The following PPL variants were observed in gnomAD, a reference collection of about 807,000 sequenced individuals.
PPL encodes the protein 190 kDa paraneoplastic pemphigus antigen.
A neutral mutation model predicts 194.4 loss-of-function variants in PPL; 198 were observed. The ratio of observed to expected loss-of-function variants is 1.02; its 90% CI spans 0.91 to 1.15. The LOEUF is 1.15. Ranked by LOEUF, PPL falls within the 50% of genes most tolerant of loss-of-function variation. The pLI is 0.00. For synonymous variants in PPL, 1,220 were observed against 972.4 expected (o/e 1.25, Z -4.74); for missense variants, 2,885 against 2,294.8 (o/e 1.26, Z -5.25).
rs1323774748 is a variant in PPL, at chr16:4,902,585, G to A, written c.318-59C>T. On this transcript the variant is annotated intron_variant, in intron 3 of 21. Transcript: ENST00000345988. The surrounding 1 kb of genome is among the most constrained non-coding windows in gnomAD (Gnocchi z 4.0). ...GGTTGGCACTGCCTGCACCCCAGGAGGGGCCCCCCACCCAGACCCCGGCCT... is the reference window on the plus strand; with the variant it reads ...GGTTGGCACTGCCTGCACCCCAGGAAGGGCCCCCCACCCAGACCCCGGCCT... The A allele has an allele frequency of 6.3e-7, 1 of 1,581,872 alleles. No individual in the cohort carries two copies. The highest frequency in any genetic ancestry group is 2.3e-5 in the East Asian group (1 of 43,896).
At chr16:4,895,444 A>C in intron 10 of PPL, 37 bp from the exon 11 acceptor site, 1 of 1,608,368 alleles carries the variant, frequency 6.2e-7, no homozygotes, top group Non-Finnish European at 8.5e-7. Flanking sequence ...GGTGAGACCA[A>C]CAGCCTTCCC....
At chr16:4,919,943 CA>C (rs959744851) in intron 1 of PPL, among the ~76,000 whole-genome samples, 1 of 151,432 alleles carries the variant, frequency 6.6e-6, no homozygotes, top group Non-Finnish European at 1.5e-5. Context: ...AAATTAAAAC[CA>C]AAAAAAGTGT....
intron 1 of PPL, among the ~76,000 whole-genome samples, chr16:4,916,927 C>T (rs1388100590): frequency 2.6e-5 from 4 of 151,952 alleles, no homozygotes; most frequent in African/African-American, 4.8e-5. Context: ...GTCAGGAGTT[C>T]GAGACCAGCC....
At position 4,885,120 on chromosome 16, in the gene PPL, G is replaced by T; in HGVS notation, c.3535C>A (p.Arg1179=). Reference sequence around the variant, plus strand: ...TCACTTTCCGCCTTGGGGTCTGGCCGCACGATCTCCCGCACCTTCTCCTGC... The same window carrying T: ...TCACTTTCCGCCTTGGGGTCTGGCCTCACGATCTCCCGCACCTTCTCCTGC... The part of the protein sequence containing the change: ...VVQEKVREIV[R]PDPKAESEVA... The change falls in exon 22 of 22, where the codon CGG becomes AGG. Residue 1179 remains arginine, a synonymous_variant. Transcript: ENST00000345988. The surrounding 1 kb of genome is among the most constrained non-coding windows in gnomAD (Gnocchi z 6.3). The T allele has an allele frequency of 2.5e-6, 4 of 1,613,882 alleles. No homozygotes were observed. Among genetic ancestry groups the T allele is most frequent in the Non-Finnish European group, 3.4e-6 (4 of 1,180,006 alleles).
chr16:4,934,906 A>T (rs2089276264), intron 1 of PPL, among the ~76,000 whole-genome samples: 2 of 152,110 alleles, frequency 1.3e-5, no homozygotes, highest in African/African-American at 4.8e-5. Flanking sequence ...CTGGGCTTGG[A>T]GACCACCCGG....
rs369014710 is a variant in PPL at position 4,885,918 on chromosome 16, C to T, written c.2737G>A (p.Val913Ile). The part of the protein sequence containing the change: ...TERRRQLENE[V>I]KSTQEEIWTL... ...CAGATTTCTTCCTGGGTGCTCTTGA[C>T]CTCGTTCTCCAGCTGCCGCCTCCGC... The change falls in exon 22 of 22, where the codon GTC (valine) becomes ATC (isoleucine). Residue 913 changes from valine (V) to isoleucine (I), a missense_variant. By Grantham distance (29) the Val-to-Ile change is conservative (BLOSUM62 3). Coordinates refer to ENST00000345988, the MANE Select transcript of PPL (RefSeq NM_002705.5). The surrounding 1 kb of genome is among the most constrained non-coding windows in gnomAD (Gnocchi z 6.3). 1.5e-5 allele frequency: 24 copies of T among 1,612,074 alleles called. No homozygotes were observed. Among genetic ancestry groups the T allele is most frequent in the Middle Eastern group, 3.3e-4 (2 of 6,084 alleles).
chr16:4,899,060 C>T lies in PPL; in HGVS notation c.829G>A (p.Gly277Ser). Residue 277 changes from glycine to serine, a missense_variant, in exon 8 of 22, where the codon GGC (glycine) becomes AGC (serine). Transcript: ENST00000345988. ...TGCTCGGCCGCCAGCAGCTGGTCGC[C>T]CTCGCTGTGCAGTTTGTTGATTCTC... Reference protein sequence around the residue: ...EERINKLHSEGDQLLAAEHPG... With the variant: ...EERINKLHSESDQLLAAEHPG... 2 of 1,613,232 alleles carry T rather than the reference C, an allele frequency of 1.2e-6. No individual in the cohort carries two copies. Among genetic ancestry groups the T allele is most frequent in the South Asian group, 2.2e-5 (2 of 91,064 alleles).
chr16:4,918,368 C>G (rs540637464), intron 1 of PPL, among the ~76,000 whole-genome samples: 1 of 151,944 alleles, frequency 6.6e-6, no homozygotes, highest in Admixed American at 6.6e-5. Flanking sequence ...GGTCCTGCCT[C>G]TTGTCTCATT....
chr16:4,901,139 G>A (rs752740616), intron 4 of PPL, 50 bp from the exon 5 acceptor site: 1 of 1,600,424 alleles, frequency 6.2e-7, no homozygotes, highest in African/African-American at 1.3e-5. Context: ...CTGAGGGCTG[G>A]GGACGTGTGG....
intron 1 of PPL, among the ~76,000 whole-genome samples, chr16:4,931,397 G>C (rs2089223409): frequency 6.6e-6 from 1 of 152,100 alleles, no homozygotes; most frequent in South Asian, 2.1e-4. Context: ...AAAAAAAATA[G>C]GTTGGGGTAG....
chr16:4,903,530 G>A (rs1229173900), intron 3 of PPL, among the ~76,000 whole-genome samples: 1 of 152,042 alleles, frequency 6.6e-6, no homozygotes, highest in Non-Finnish European at 1.5e-5. Flanking sequence ...GACCAGCCTG[G>A]CCAACATGGA....
At chr16:4,904,178 A>T (rs2088635794) in intron 2 of PPL, 138 bp from the exon 3 acceptor site, 1 of 907,730 alleles carries the variant, frequency 1.1e-6, no homozygotes, top group Non-Finnish European at 1.7e-6. Flanking sequence ...GCTTGTCCAT[A>T]TGGAGCGCAG....
chr16:4,921,412 T>C (rs1188717813), intron 1 of PPL, among the ~76,000 whole-genome samples: 1 of 152,180 alleles, frequency 6.6e-6, no homozygotes, highest in Non-Finnish European at 1.5e-5. Context: ...TCAGATGGCA[T>C]CAGGTCTCCT....
chr16:4,899,775 C>T (rs991673203), intron 6 of PPL, among the ~76,000 whole-genome samples: 1 of 152,170 alleles, frequency 6.6e-6, no homozygotes. Context: ...CAGAGACTGG[C>T]ATATAGTTGG....
rs753021391 is a variant in PPL at position 4,910,891 on chromosome 16, C to A, written c.121G>T (p.Val41Leu). 1 of 1,613,828 alleles carries A rather than the reference C, an allele frequency of 6.2e-7. No individual in the cohort carries two copies. The highest frequency in any genetic ancestry group is 1.3e-5 in the African/African-American group (1 of 74,934). The change falls in exon 2 of 22, where the codon GTG (valine) becomes TTG (leucine). Residue 41 changes from valine to leucine, a missense_variant. Physicochemically the swap from Val to Leu is conservative, Grantham distance 32 (BLOSUM62 1). Coordinates refer to ENST00000345988, the MANE Select transcript of PPL (RefSeq NM_002705.5). The stretch of plus-strand genomic sequence containing the variant: ...TCTGTGTCCACGATGTTCTTCTCCA[C>A]CTGGTCGGCATTCTTCTGCAGCTGC... Reference protein sequence around the residue: ...IEQLQKNADQVEKNIVDTEAK... With the variant: ...IEQLQKNADQLEKNIVDTEAK...
At chr16:4,905,378 G>C (rs56023217) in intron 2 of PPL, among the ~76,000 whole-genome samples, 4,743 of 152,238 alleles carry the variant, frequency 0.031, 261 homozygotes, top group African/African-American at 0.11. Flanking sequence ...GAAGTGTCCC[G>C]AACAGGCAAG....
intron 20 of PPL, 39 bp downstream of exon 20, chr16:4,888,063 C>T: frequency 6.7e-7 from 1 of 1,490,232 alleles, no homozygotes; most frequent in Non-Finnish European, 9.4e-7. Context: ...AGCTTGGCCT[C>T]CACCTCAGTC....
Position 4,899,330 on chromosome 16 carries a change from G to C in PPL, c.661C>G (p.Arg221Gly). Residue 221 changes from arginine (R) to glycine (G), a missense_variant, in exon 7 of 22, where the codon CGC becomes GGC. By Grantham distance (125) the Arg-to-Gly change is moderately radical. Transcript: ENST00000345988. ...HLSSLQDYMQ[R>G]CTNELYWLDQ... Reference sequence around the variant, plus strand: ...AGCCAGTACAGCTCATTGGTGCAGCGCTGCATGTAGTCCTGCAGCGAACTC... The same window carrying C: ...AGCCAGTACAGCTCATTGGTGCAGCCCTGCATGTAGTCCTGCAGCGAACTC... 6.2e-7 allele frequency: 1 copy of C among 1,613,306 alleles called. No individual in the cohort carries two copies. Among genetic ancestry groups the C allele is most frequent in the Non-Finnish European group, 8.5e-7 (1 of 1,179,892 alleles).
intron 1 of PPL, among the ~76,000 whole-genome samples, chr16:4,935,844 G>A (rs1182422322): frequency 1.3e-5 from 2 of 152,176 alleles, no homozygotes; most frequent in Non-Finnish European, 2.9e-5. Flanking sequence ...GCTGCTTGAG[G>A]GCACAGTGGG....
Sources: allele counts gnomAD v4.1 joint callset (sites outside exome capture counted in the v4.1 genomes callset), GRCh38; gene constraint gnomAD v4.1.1; non-coding constraint Gnocchi (gnomAD v3.1); transcripts MANE v1.5; gene names NCBI Gene and HGNC (gene_info 2026-07-23, HGNC 2026-07-21).